Variants in NRXN3 observed in about 807,000 individuals in gnomAD.
NRXN3 encodes neurexin III.
In NRXN3, 32 loss-of-function variants were observed where a neutral mutation model predicts 137.6. The ratio of observed to expected loss-of-function variants is 0.23; its 90% confidence interval spans 0.18 to 0.31. NRXN3 has a LOEUF of 0.31. Among genes scored for constraint, NRXN3 ranks in the 10% least tolerant of loss-of-function variants. The probability of loss-of-function intolerance (pLI) is 1.00; values close to 1 mark genes in which losing one functional copy is unlikely to be tolerated. For synonymous variants in NRXN3, 798 were observed against 784.5 expected (o/e 1.02, Z -0.29); for missense variants, 1,574 against 2,062.5 (o/e 0.76, Z 4.59).
chr14:78,397,642 C>T (rs1259445508), intron 4 of NRXN3, among the ~76,000 whole-genome samples: 1 of 151,810 alleles, frequency 6.6e-6, no homozygotes, highest in Non-Finnish European at 1.5e-5. Context: ...CTAGCTCTGT[C>T]ACCCAGGCTG....
At chr14:78,590,950 TAAC>T (rs2097110717) in intron 4 of NRXN3, among the ~76,000 whole-genome samples, 2 of 151,978 alleles carry the variant, frequency 1.3e-5, no homozygotes, top group African/African-American at 4.8e-5. Flanking sequence ...AAATTCCAAT[TAAC>T]AACAGGAGAT....
chr14:79,777,491 G>T (rs1001465306), intron 19 of NRXN3, among the ~76,000 whole-genome samples: 8 of 151,316 alleles, frequency 5.3e-5, no homozygotes, highest in Admixed American at 1.3e-4. Context: ...AAAAAAAAAG[G>T]TTCCTTTGCT....
intron 16 of NRXN3, among the ~76,000 whole-genome samples, chr14:79,502,510 G>C (rs1381630467): frequency 6.6e-6 from 1 of 151,184 alleles, no homozygotes; most frequent in Non-Finnish European, 1.5e-5. Context: ...TCTCTCTCTC[G>C]CCACACCCCC....
intron 15 of NRXN3, among the ~76,000 whole-genome samples, chr14:79,098,820 A>C (rs1427852268): frequency 1.3e-5 from 2 of 152,142 alleles, no homozygotes; most frequent in Non-Finnish European, 2.9e-5. Context: ...ACAATTTGAC[A>C]TTCAAAGGCC....
intron 15 of NRXN3, among the ~76,000 whole-genome samples, chr14:79,380,485 A>G (rs2094440890): frequency 6.6e-6 from 1 of 151,922 alleles, no homozygotes; most frequent in Non-Finnish European, 1.5e-5. Flanking sequence ...ACTGAGGATG[A>G]TGATTTCCAA....
intron 6 of NRXN3, 24 bp downstream of exon 6, chr14:78,651,350 A>G (rs769306613): frequency 6.2e-7 from 1 of 1,610,640 alleles, no homozygotes; most frequent in South Asian, 1.1e-5. Flanking sequence ...AATTCTATTT[A>G]ATGCACCATG....
At chr14:78,465,094 G>C (rs1449259851) in intron 4 of NRXN3, among the ~76,000 whole-genome samples, 1 of 152,060 alleles carries the variant, frequency 6.6e-6, no homozygotes, top group Non-Finnish European at 1.5e-5. Context: ...TATGTGCAAA[G>C]TATGTGCAAG....
At chr14:79,091,349 A>G (rs889741914) in intron 15 of NRXN3, among the ~76,000 whole-genome samples, 1 of 152,170 alleles carries the variant, frequency 6.6e-6, no homozygotes, top group African/African-American at 2.4e-5. Flanking sequence ...GCTCCATACC[A>G]TATTCTTTTT....
chr14:79,194,034 C>A (rs182019262), intron 15 of NRXN3, among the ~76,000 whole-genome samples: 2 of 152,304 alleles, frequency 1.3e-5, no homozygotes, highest in Non-Finnish European at 1.5e-5. Context: ...AACACTTAGA[C>A]TATAACAACA....
At chr14:78,495,450 G>A (rs1015086010) in intron 4 of NRXN3, among the ~76,000 whole-genome samples, 2 of 152,074 alleles carry the variant, frequency 1.3e-5, no homozygotes, top group African/African-American at 4.8e-5. Flanking sequence ...AGAAAAAGGG[G>A]AATTGAGGTA....
chr14:78,886,287 A>G (rs1164520787), intron 10 of NRXN3, among the ~76,000 whole-genome samples: 3 of 152,102 alleles, frequency 2.0e-5, no homozygotes, highest in African/African-American at 7.2e-5. Flanking sequence ...AATCAAATAA[A>G]AAGAAATAAA....
intron 15 of NRXN3, among the ~76,000 whole-genome samples, chr14:79,147,728 C>T (rs1337067456): frequency 6.6e-6 from 1 of 152,022 alleles, no homozygotes; most frequent in Non-Finnish European, 1.5e-5. Flanking sequence ...ACAGTGGGGT[C>T]CTTTTTGAAG....
chr14:78,266,644 T>A (rs1157376266), intron 2 of NRXN3, among the ~76,000 whole-genome samples: 3 of 152,160 alleles, frequency 2.0e-5, no homozygotes, highest in Non-Finnish European at 2.9e-5. Flanking sequence ...TCTGGGTTTC[T>A]GAGCTCCCTC....
chr14:78,409,384 T>C (rs910369647), intron 4 of NRXN3, among the ~76,000 whole-genome samples: 3 of 152,328 alleles, frequency 2.0e-5, no homozygotes, highest in Non-Finnish European at 4.4e-5. Flanking sequence ...GATTAACATG[T>C]ACAAGGCACT....
intron 19 of NRXN3, among the ~76,000 whole-genome samples, chr14:79,732,871 A>G (rs2098928883): frequency 6.6e-6 from 1 of 152,162 alleles, no homozygotes; most frequent in Non-Finnish European, 1.5e-5. Flanking sequence ...AACACTATTT[A>G]TACAGTATTA....
chr14:79,197,599 G>A (rs2065311557), intron 15 of NRXN3, among the ~76,000 whole-genome samples: 1 of 150,932 alleles, frequency 6.6e-6, no homozygotes, highest in African/African-American at 2.4e-5. Context: ...CTCAAAGGAT[G>A]TTTGAATGAA....
intron 13 of NRXN3, among the ~76,000 whole-genome samples, chr14:78,967,778 C>A (rs1043468331): frequency 6.6e-6 from 1 of 152,022 alleles, no homozygotes; most frequent in African/African-American, 2.4e-5. Flanking sequence ...ATTTACTTTT[C>A]TTTGCAAAAT....
intron 15 of NRXN3, among the ~76,000 whole-genome samples, chr14:79,094,327 T>C (rs2049825653): frequency 6.6e-6 from 1 of 152,176 alleles, no homozygotes; most frequent in South Asian, 2.1e-4. Context: ...TTAGTGCCAC[T>C]CCAAAGGCAA....
chr14:79,438,259 C>T (rs892694988), intron 15 of NRXN3, among the ~76,000 whole-genome samples: 1 of 152,160 alleles, frequency 6.6e-6, no homozygotes, highest in African/African-American at 2.4e-5. Flanking sequence ...GTCTTAGGAT[C>T]TGCTTATGGG....
Sources: gnomAD v4.1 joint callset for allele counts (sites outside exome capture counted in the v4.1 genomes callset) on GRCh38, gnomAD v4.1.1 for gene constraint, MANE v1.5 for transcripts, NCBI Gene and HGNC (gene_info 2026-07-23, HGNC 2026-07-21) for gene names.